Variants in DUSP18 observed in about 807,000 individuals in gnomAD.
DUSP18 encodes dual specificity phosphatase 18.
A neutral mutation model predicts 6.3 loss-of-function variants in DUSP18; 4 were observed. The ratio of observed to expected loss-of-function variants is 0.63; its 90% confidence interval spans 0.31 to 1.45. The LOEUF (loss-of-function observed/expected upper bound fraction) is 1.45, where lower values mean the gene tolerates loss of function less well. Among genes scored for constraint, DUSP18 ranks in the 40% most tolerant of loss-of-function variants. The probability of loss-of-function intolerance (pLI) is 0.07; values close to 1 mark genes in which losing one functional copy is unlikely to be tolerated. For missense variants in DUSP18, 235 were observed against 247.7 expected (o/e 0.95, Z 0.34); for synonymous variants, 96 against 95.1 (o/e 1.01, Z -0.05).
downstream of DUSP18, among the ~76,000 whole-genome samples, chr22:30,659,919 C>T (rs1029858082): frequency 2.6e-5 from 4 of 152,134 alleles, no homozygotes; most frequent in Non-Finnish European, 5.9e-5. Flanking sequence ...AGAATTCAAC[C>T]TATTTCTGGA....
intron 2 of DUSP18, chr22:30,654,734 G>T: frequency 1.7e-5 from 5 of 292,108 alleles, no homozygotes; most frequent in South Asian, 6.5e-5. Context: ...ACCACCTTCC[G>T]GCCTGCTTAG....
chr22:30,661,012 G>A (rs568871748), downstream of DUSP18, among the ~76,000 whole-genome samples: 12 of 152,136 alleles, frequency 7.9e-5, no homozygotes, highest in South Asian at 2.1e-4. Flanking sequence ...CCCTGCTTTC[G>A]TATTTTTAGC....
intron 1 of DUSP18, chr22:30,665,416 AG>A: frequency 2.4e-6 from 1 of 417,636 alleles, no homozygotes; most frequent in Admixed American, 2.7e-5. Flanking sequence ...ACAGTTCCTT[AG>A]GGACAACCTG....
chr22:30,663,407 T>G lies in DUSP18; in HGVS notation c.*30A>C. 6.3e-7 allele frequency: 1 copy of G among 1,580,162 alleles called. No individual in the cohort carries two copies. Among genetic ancestry groups the G allele is most frequent in the Non-Finnish European group, 8.6e-7 (1 of 1,157,676 alleles). On this transcript the variant is annotated 3_prime_UTR_variant, in exon 2 of 2. Coordinates refer to ENST00000334679, the MANE Select transcript of DUSP18 (RefSeq NM_152511.5). Reference sequence around the variant, plus strand: ...AAGATCAACAATAGATCTGTACCTCTGACTCCAATGCAGGGGCTCGTGGGA... The same window carrying G: ...AAGATCAACAATAGATCTGTACCTCGGACTCCAATGCAGGGGCTCGTGGGA...
downstream of DUSP18, among the ~76,000 whole-genome samples, chr22:30,659,742 T>C (rs755617393): frequency 5.3e-5 from 8 of 152,188 alleles, no homozygotes; most frequent in Non-Finnish European, 1.0e-4. Flanking sequence ...GAATGTTACT[T>C]TATATGACAA....
At chr22:30,664,571 T>C (rs1445216506) in intron 1 of DUSP18, among the ~76,000 whole-genome samples, 1 of 152,150 alleles carries the variant, frequency 6.6e-6, no homozygotes, top group Non-Finnish European at 1.5e-5. Flanking sequence ...TATGCCCAAA[T>C]CATAAGGTCC....
At chr22:30,656,611 A>G (rs950125754), downstream of DUSP18, among the ~76,000 whole-genome samples, 3 of 152,152 alleles carry the variant, frequency 2.0e-5, no homozygotes, top group African/African-American at 7.2e-5. Flanking sequence ...TTTCTCCCCT[A>G]CTATAGGACT....
In DUSP18 at chr22:30,663,594, C is replaced by T. The variant is rs755387475; in HGVS notation, c.410G>A (p.Cys137Tyr). 4 of 1,614,228 alleles carry T rather than the reference C, an allele frequency of 2.5e-6. No homozygotes were observed. Among genetic ancestry groups the T allele is most frequent in the African/African-American group, 1.3e-5 (1 of 75,054 alleles). The change falls in exon 2 of 2, where the codon TGC becomes TAC. Residue 137 changes from cysteine to tyrosine, a missense_variant. Transcript: ENST00000334679. ...GCTGTTGGGTCGGATGATGGGCCGG[C>T]ATGACTTGGTCCACGTGTGGGCGTC... ...LLDAHTWTKSCRPIIRPNSGF... is the reference protein window; with the variant it reads ...LLDAHTWTKSYRPIIRPNSGF...
chr22:30,665,199 G>A lies in DUSP18; in HGVS notation c.-77-1119C>T, dbSNP rs2088604725. The A allele has an allele frequency of 2.7e-5, 5 of 185,532 alleles. No individual in the cohort carries two copies. In the South Asian group the frequency reaches 3.9e-4, roughly 15 times the overall value. The allele number at this position is 185,532 out of a possible 1,614,324, so 11.5% of individuals were successfully genotyped here. Reference sequence around the variant, plus strand: ...TTTAGATCACACCTTTCAAGGCCAAGTGGCAGTCTTCACCAGGCACGAGAA... The same window carrying A: ...TTTAGATCACACCTTTCAAGGCCAAATGGCAGTCTTCACCAGGCACGAGAA... On this transcript the variant is annotated intron_variant, in intron 1 of 1. Transcript: ENST00000334679.
downstream of DUSP18, among the ~76,000 whole-genome samples, chr22:30,660,897 T>C (rs2088445670): frequency 6.6e-6 from 1 of 151,200 alleles, no homozygotes; most frequent in Admixed American, 6.6e-5. Flanking sequence ...TGGAGTGCAA[T>C]GTCCTGATCT....
downstream of DUSP18, among the ~76,000 whole-genome samples, chr22:30,657,410 G>T (rs1369577681): frequency 6.8e-6 from 1 of 147,924 alleles, no homozygotes; most frequent in African/African-American, 2.5e-5. Flanking sequence ...AGTAAGCCGA[G>T]ATCACACCAT....
chr22:30,659,565 T>C (rs2088418544), downstream of DUSP18, among the ~76,000 whole-genome samples: 1 of 151,966 alleles, frequency 6.6e-6, no homozygotes. Flanking sequence ...AGAGACGGGG[T>C]TTCAACATGT....
At chr22:30,654,872 T>C (rs999877219) in intron 2 of DUSP18, 1 of 178,974 alleles carries the variant, frequency 5.6e-6, no homozygotes, top group Non-Finnish European at 1.2e-5. Flanking sequence ...GGGAAGGGCA[T>C]GGGGCCCCTT....
intron 2 of DUSP18, among the ~76,000 whole-genome samples, chr22:30,652,523 G>T (rs1296652816): frequency 6.6e-6 from 1 of 152,236 alleles, no homozygotes; most frequent in Non-Finnish European, 1.5e-5. Context: ...CCGAATGTTA[G>T]TTCAGCCTAT....
intron 2 of DUSP18, among the ~76,000 whole-genome samples, chr22:30,655,507 CT>C (rs113225590): frequency 4.9e-4 from 72 of 145,770 alleles, no homozygotes; most frequent in South Asian, 6.5e-4. Context: ...ACAAAATATC[CT>C]TTTTTTTTTT....
At chr22:30,658,577 G>A (rs906492416), downstream of DUSP18, among the ~76,000 whole-genome samples, 2 of 151,832 alleles carry the variant, frequency 1.3e-5, no homozygotes, top group Admixed American at 6.6e-5. Context: ...TGGAGGGTGC[G>A]TAACAAGCAG....
intron 1 of DUSP18, chr22:30,667,174 A>G (rs533951760): frequency 1.3e-5 from 2 of 152,346 alleles, no homozygotes; most frequent in East Asian, 3.9e-4. Flanking sequence ...TCTAGAGTTA[A>G]TATTTCCATT....
At chr22:30,660,165 C>G (rs1283270395), downstream of DUSP18, among the ~76,000 whole-genome samples, 1 of 152,160 alleles carries the variant, frequency 6.6e-6, no homozygotes, top group South Asian at 2.1e-4. Flanking sequence ...AGCAGAGGAC[C>G]TAGTCAAGTC....
In DUSP18 at chr22:30,663,271, A is replaced by G. The variant is rs182765470; in HGVS notation, c.*166T>C. The G allele has an allele frequency of 1.4e-6, 1 of 706,792 alleles. No homozygotes were observed. Among genetic ancestry groups the G allele is most frequent in the East Asian group, 2.8e-5 (1 of 36,310 alleles). 43.8% of individuals were successfully genotyped at this position (706,792 alleles called of 1,614,324 possible). On this transcript the variant is annotated 3_prime_UTR_variant, in exon 2 of 2. Coordinates refer to ENST00000334679, the MANE Select transcript of DUSP18 (RefSeq NM_152511.5). ...CACAATTAGTTTAATCTTAAAAAAA[A>G]TGGATTATAAAGTTAAAAGCTACAG...
Sources: gnomAD v4.1 joint callset for allele counts (sites outside exome capture counted in the v4.1 genomes callset) on GRCh38, gnomAD v4.1.1 for gene constraint, MANE v1.5 for transcripts, NCBI Gene and HGNC (gene_info 2026-07-23, HGNC 2026-07-21) for gene names.